FLACC1: variants seen among roughly 807,000 people sequenced by gnomAD.
The protein encoded by FLACC1 is flagellum-associated coiled-coil domain-containing protein 1.
A neutral mutation model predicts 62.8 loss-of-function variants in FLACC1; 66 were observed. The ratio of observed to expected loss-of-function variants is 1.05; its 90% CI spans 0.86 to 1.29. FLACC1 has a LOEUF of 1.29. Among genes scored for constraint, FLACC1 ranks in the 50% most tolerant of loss-of-function variants. FLACC1 has a pLI of 0.00. For missense variants in FLACC1, 452 were observed against 489.1 expected (o/e 0.92, Z 0.71); for synonymous variants, 156 against 161.0 (o/e 0.97, Z 0.24).
chr2:201,289,578 A>G lies in FLACC1; in HGVS notation c.1033-12T>C, dbSNP rs749690770. The stretch of plus-strand genomic sequence containing the variant: ...CCCACTATAGCTTTCTGAAAGACAT[A>G]CATTTTAATAGCCATCTTCCCCAAC... On this transcript the variant is annotated splice_polypyrimidine_tract_variant and intron_variant, in intron 13 of 14. Coordinates refer to ENST00000392257, the MANE Select transcript of FLACC1 (RefSeq NM_001127391.3). The G allele has an allele frequency of 4.3e-6, 7 of 1,613,886 alleles. 1 individual carries two copies. In the South Asian group the frequency reaches 5.5e-5, roughly 13 times the overall value.
At chr2:201,292,970 A>G (rs915875737) in intron 12 of FLACC1, among the ~76,000 whole-genome samples, 1 of 152,248 alleles carries the variant, frequency 6.6e-6, no homozygotes, top group African/African-American at 2.4e-5. Flanking sequence ...AAGAAGAGCT[A>G]ACTATCCTAA....
intron 7 of FLACC1, among the ~76,000 whole-genome samples, chr2:201,335,780 CAA>C (rs1950683329): frequency 6.6e-6 from 1 of 152,088 alleles, no homozygotes; most frequent in Admixed American, 6.5e-5. Flanking sequence ...ATCATTTAAA[CAA>C]TATTAATTCT....
At chr2:201,304,876 CCATAT>C (rs1167986052) in intron 11 of FLACC1, among the ~76,000 whole-genome samples, 1 of 152,136 alleles carries the variant, frequency 6.6e-6, no homozygotes, top group East Asian at 1.9e-4. Flanking sequence ...AACTGGCTAG[CCATAT>C]GTAGAAAGCT....
intron 7 of FLACC1, among the ~76,000 whole-genome samples, chr2:201,339,370 T>G (rs140041501): frequency 1.2e-4 from 18 of 152,236 alleles, no homozygotes; most frequent in African/African-American, 4.1e-4. Context: ...AATCTGTTTT[T>G]TTGCTGACCC....
intron 11 of FLACC1, among the ~76,000 whole-genome samples, chr2:201,302,641 C>A (rs550617297): frequency 3.0e-4 from 46 of 152,316 alleles, no homozygotes; most frequent in African/African-American, 1.1e-3. Context: ...CTTCTCAGCA[C>A]CACATCACAC....
intron 9 of FLACC1, among the ~76,000 whole-genome samples, chr2:201,314,551 A>T (rs1950276226): frequency 6.6e-6 from 1 of 152,242 alleles, no homozygotes; most frequent in Admixed American, 6.5e-5. Context: ...TTAAACAACC[A>T]AATGTAAAAA....
At chr2:201,308,396 T>C (rs375844082) in intron 10 of FLACC1, among the ~76,000 whole-genome samples, 1 of 152,172 alleles carries the variant, frequency 6.6e-6, no homozygotes, top group East Asian at 1.9e-4. Context: ...CTTCTGGCAG[T>C]CCAGAGTGCC....
At chr2:201,296,203 A>G (rs1240597301) in intron 12 of FLACC1, among the ~76,000 whole-genome samples, 2 of 152,230 alleles carry the variant, frequency 1.3e-5, no homozygotes, top group African/African-American at 4.8e-5. Context: ...CTATAAAGAC[A>G]CATGCACACG....
Position 201,330,481 on chromosome 2 carries a change from G to A in FLACC1, c.664C>T (p.Arg222Cys), listed in dbSNP as rs142904738. Residue 222 changes from arginine to cysteine, a missense_variant, in exon 9 of 15, where the codon CGT becomes TGT. This residue lies in a region of FLACC1 where 301 missense variants were observed against 318.4 expected (regional missense o/e 0.95). Coordinates refer to ENST00000392257, the MANE Select transcript of FLACC1 (RefSeq NM_001127391.3). ...KEYKYLKNMF[R>C]TYQDSIYDEM... Reference sequence around the variant, plus strand: ...GCTGTGTATCTCACCTGATACGTACGAAACATATTCTTCAAATACTTGTAT... The same window carrying A: ...GCTGTGTATCTCACCTGATACGTACAAAACATATTCTTCAAATACTTGTAT... 142 of 1,613,702 alleles carry A rather than the reference G, an allele frequency of 8.8e-5. 2 individuals are homozygous for A. Among genetic ancestry groups the A allele is most frequent in the African/African-American group, 8.4e-4 (63 of 75,028 alleles).
intron 12 of FLACC1, among the ~76,000 whole-genome samples, chr2:201,290,615 C>T (rs1265448238): frequency 1.3e-5 from 2 of 152,244 alleles, no homozygotes; most frequent in Admixed American, 6.5e-5. Context: ...ATGCAGAAGA[C>T]GTATGATTTC....
At chr2:201,360,666 C>T (rs1411755231), upstream of FLACC1, among the ~76,000 whole-genome samples, 2 of 152,220 alleles carry the variant, frequency 1.3e-5, no homozygotes, top group East Asian at 1.9e-4. Context: ...ACAGGAATCC[C>T]GTGAAAGCCT....
In FLACC1 at chr2:201,342,382, T is replaced by G; in HGVS notation, c.512A>C (p.Glu171Ala). 1 of 1,614,240 alleles carries G rather than the reference T, an allele frequency of 6.2e-7. No homozygotes were observed. Among genetic ancestry groups the G allele is most frequent in the Non-Finnish European group, 8.5e-7 (1 of 1,180,038 alleles). ...LRCAEMKQNF[E>A]NKNRELKEAH... Reference sequence around the variant, plus strand: ...CCAGAAAGTGTACCTGTTCTTGTTTTCAAAGTTCTGTTTCATCTCAGCACA... The same window carrying G: ...CCAGAAAGTGTACCTGTTCTTGTTTGCAAAGTTCTGTTTCATCTCAGCACA... The change falls in exon 7 of 15, where the codon GAA becomes GCA. Residue 171 changes from glutamate (E) to alanine (A), a missense_variant. Transcript: ENST00000392257.
chr2:201,308,609 A>G (rs374480972), intron 10 of FLACC1, among the ~76,000 whole-genome samples: 55 of 152,224 alleles, frequency 3.6e-4, no homozygotes, highest in African/African-American at 1.2e-3. Context: ...AACAAGTCCA[A>G]TGGGGGTGGG....
chr2:201,339,511 T>G (rs1950763736), intron 7 of FLACC1, among the ~76,000 whole-genome samples: 1 of 152,184 alleles, frequency 6.6e-6, no homozygotes, highest in Non-Finnish European at 1.5e-5. Flanking sequence ...ATTTGAAATC[T>G]TTCTACTTTT....
At chr2:201,292,978 T>A (rs1949772518) in intron 12 of FLACC1, among the ~76,000 whole-genome samples, 1 of 152,224 alleles carries the variant, frequency 6.6e-6, no homozygotes, top group Non-Finnish European at 1.5e-5. Context: ...CTAACTATCC[T>A]AAATATATAT....
chr2:201,309,905 C>CAAGAA (rs1950183046), intron 9 of FLACC1, among the ~76,000 whole-genome samples: 1 of 44,670 alleles, frequency 2.2e-5, no homozygotes, highest in Admixed American at 2.9e-4. Context: ...GACTCTGTCT[C>CAAGAA]AAAAAAAAAA....
chr2:201,352,955 AC>A (rs1272995156), intron 1 of FLACC1, among the ~76,000 whole-genome samples: 1 of 152,128 alleles, frequency 6.6e-6, no homozygotes, highest in Non-Finnish European at 1.5e-5. Flanking sequence ...AGGCAAGGAA[AC>A]GAATTCCCCC....
chr2:201,311,754 C>T (rs1192488461), intron 9 of FLACC1, among the ~76,000 whole-genome samples: 4 of 150,566 alleles, frequency 2.7e-5, no homozygotes, highest in African/African-American at 9.8e-5. Context: ...TTCATTCTCA[C>T]AATGCAAGGT....
rs1339161563 is a variant in FLACC1, at chr2:201,346,540, A to G, written c.368+2T>C. 1 of 1,613,740 alleles carries G rather than the reference A, an allele frequency of 6.2e-7. No homozygotes were observed. The highest frequency in any genetic ancestry group is 8.5e-7 in the Non-Finnish European group (1 of 1,179,936). ...AGCTGCATGTTGCTGCAACAGCATTACCTGGAAAATCTGCCTTTGTCCGGG... is the reference window on the plus strand; with the variant it reads ...AGCTGCATGTTGCTGCAACAGCATTGCCTGGAAAATCTGCCTTTGTCCGGG... On this transcript the variant is annotated splice_donor_variant, in intron 5 of 14. Coordinates refer to ENST00000392257, the MANE Select transcript of FLACC1 (RefSeq NM_001127391.3). LOFTEE classifies it high-confidence loss of function. The surrounding 1 kb of genome is among the most constrained non-coding windows in gnomAD (Gnocchi z 4.0).
Sources: gnomAD v4.1 joint callset for allele counts (sites outside exome capture counted in the v4.1 genomes callset) on GRCh38, gnomAD v4.1.1 for gene constraint, gnomAD v4.1.1 regional missense constraint, Gnocchi (gnomAD v3.1) non-coding constraint, MANE v1.5 for transcripts, NCBI Gene and HGNC (gene_info 2026-07-23, HGNC 2026-07-21) for gene names.